The following TJAP1 variants were observed in gnomAD, a reference collection of about 807,000 sequenced individuals.
TJAP1 encodes the protein tight junction associated protein 1.
A neutral mutation model predicts 42.0 loss-of-function variants in TJAP1; 27 were observed. The observed-to-expected ratio is 0.64, with a 90% CI of 0.47 to 0.89. The LOEUF is 0.89. Ranked by LOEUF, TJAP1 falls within the 40% of genes least tolerant of loss-of-function variation. The pLI is 0.00. For synonymous variants in TJAP1, 257 were observed against 288.4 expected (o/e 0.89, Z 1.10); for missense variants, 712 against 726.9 (o/e 0.98, Z 0.24).
Position 43,492,716 on chromosome 6 carries a change from A to G in TJAP1, c.-121-5165A>G, listed in dbSNP as rs1457888058. On this transcript the variant is annotated intron_variant, in intron 2 of 10. Coordinates refer to ENST00000372449, the Ensembl canonical transcript of TJAP1. This position sits in a 1 kb window ranked among gnomAD's most constrained non-coding sequence, Gnocchi z 4.2. ...CAAGGAGTGGGGATCTTCATGAGCA[A>G]TCCCCAGGACCAAGGCCAGGTCACC... Among the ~76,000 whole-genome samples the G allele has an allele frequency of 6.6e-6, 1 of 152,124 alleles. No homozygotes were observed. Among genetic ancestry groups the G allele is most frequent in the Non-Finnish European group, 1.5e-5 (1 of 68,014 alleles).
At chr6:43,503,346 G>A (rs908644667) in intron 8 of TJAP1, 55 bp from the exon 9 acceptor site, 3 of 1,400,514 alleles carry the variant, frequency 2.1e-6, no homozygotes, top group Non-Finnish European at 3.0e-6. Context: ...GAGGTGGAGG[G>A]AGAGGAAGGG....
rs1789570626 is a variant in TJAP1 at position 43,497,864 on chromosome 6, C to G, written c.-121-17C>G. 1 of 152,372 alleles carries G rather than the reference C, an allele frequency of 6.6e-6. No individual in the cohort carries two copies. The highest frequency in any genetic ancestry group is 2.1e-4 in the South Asian group (1 of 4,828). The allele number at this position is 152,372 out of a possible 1,614,324, so 9.4% of individuals were successfully genotyped here. A position where few individuals can be genotyped will look rare whatever the true frequency, so the allele number is the denominator to read the frequency against. On this transcript the variant is annotated splice_polypyrimidine_tract_variant and intron_variant, in intron 2 of 10. Transcript: ENST00000372449. ...GCTGACACCTGGTTTCCACTTTCTT[C>G]CCTTCTCTGGTTTCAGGAGCTGTGG...
chr6:43,479,963 C>T (rs377029939), intron 2 of TJAP1, among the ~76,000 whole-genome samples: 5 of 151,310 alleles, frequency 3.3e-5, no homozygotes, highest in African/African-American at 1.2e-4. Flanking sequence ...AGCAAGACTC[C>T]ATCCATCTCA....
intron 2 of TJAP1, among the ~76,000 whole-genome samples, chr6:43,487,870 G>GTTTTTTTTTTTTTT (rs549444658): frequency 2.9e-5 from 4 of 138,364 alleles, no homozygotes; most frequent in African/African-American, 5.4e-5. Context: ...CCTTCTAGTA[G>GTTTTTTTTTTTTTT]TTTTTTTTTT....
chr6:43,488,441 G>A (rs985973876), intron 2 of TJAP1, among the ~76,000 whole-genome samples: 3 of 152,190 alleles, frequency 2.0e-5, no homozygotes, highest in Admixed American at 6.5e-5. Flanking sequence ...ATTCTGAGAT[G>A]AAATTGGCAG....
intron 5 of TJAP1, chr6:43,501,224 A>C: frequency 2.5e-6 from 1 of 405,372 alleles, no homozygotes; most frequent in Non-Finnish European, 4.4e-6. Context: ...AACCAGAGAC[A>C]GGCTGGGAGC....
intron 2 of TJAP1, chr6:43,478,640 G>A (rs1164185556): frequency 6.6e-6 from 1 of 152,230 alleles, no homozygotes; most frequent in Non-Finnish European, 1.5e-5. Flanking sequence ...AATTCTGATC[G>A]TGTTCACTGA....
At chr6:43,499,134 G>C in intron 4 of TJAP1, 34 bp downstream of exon 4, 1 of 1,610,778 alleles carries the variant, frequency 6.2e-7, no homozygotes, top group Non-Finnish European at 8.5e-7. Flanking sequence ...CTGACCGGCA[G>C]AGGCAAGGCC....
intron 2 of TJAP1, chr6:43,497,501 C>G (rs1341799324): frequency 6.6e-6 from 1 of 152,194 alleles, no homozygotes; most frequent in Non-Finnish European, 1.5e-5. Context: ...TCCTGGTGTT[C>G]TCATTTGTAA....
intron 3 of TJAP1, 97 bp downstream of exon 3, chr6:43,498,074 T>G (rs1582048353): frequency 6.6e-6 from 1 of 152,046 alleles, no homozygotes; most frequent in Non-Finnish European, 1.5e-5. Flanking sequence ...CGGGGGCTGG[T>G]GAAAAGAGTG....
At chr6:43,498,370 G>A (rs1452641132) in intron 3 of TJAP1, among the ~76,000 whole-genome samples, 1 of 152,112 alleles carries the variant, frequency 6.6e-6, no homozygotes, top group Non-Finnish European at 1.5e-5. Flanking sequence ...GTTTGAGCCT[G>A]GGCAACAAAG....
Position 43,495,752 on chromosome 6 carries a change from C to T in TJAP1, c.-121-2129C>T, listed in dbSNP as rs1282041663. Among the ~76,000 whole-genome samples the T allele has an allele frequency of 6.6e-6, 1 of 152,178 alleles. No individual in the cohort carries two copies. Among genetic ancestry groups the T allele is most frequent in the Admixed American group, 6.5e-5 (1 of 15,284 alleles). ...ATACTCCTTGCCTAGCAAGCCAGAT[C>T]GCCTCTGGCCATGGAAGCCCTGGGG... On this transcript the variant is annotated intron_variant, in intron 2 of 10. Transcript: ENST00000372449. The surrounding 1 kb of genome is among the most constrained non-coding windows in gnomAD (Gnocchi z 4.6).
At chr6:43,486,397 C>T (rs1786530713) in intron 2 of TJAP1, among the ~76,000 whole-genome samples, 2 of 142,378 alleles carry the variant, frequency 1.4e-5, no homozygotes, top group South Asian at 4.6e-4. Context: ...GCTCTGTCGC[C>T]CAGTTGGGAG....
At chr6:43,502,076 A>ACTCTCTCACTCTCT in intron 6 of TJAP1, among the ~76,000 whole-genome samples, 1 of 68,956 alleles carries the variant, frequency 1.5e-5, no homozygotes, top group East Asian at 3.7e-4. Flanking sequence ...ACACACACAC[A>ACTCTCTCACTCTCT]CTCTCTCTCT....
intron 2 of TJAP1, among the ~76,000 whole-genome samples, chr6:43,496,434 C>T (rs927230559): frequency 6.6e-6 from 1 of 152,226 alleles, no homozygotes; most frequent in African/African-American, 2.4e-5. Flanking sequence ...CCCGCCCACC[C>T]GGATTCCTGT....
intron 2 of TJAP1, among the ~76,000 whole-genome samples, chr6:43,481,654 A>G (rs1340108179): frequency 1.3e-5 from 2 of 151,738 alleles, no homozygotes; most frequent in Admixed American, 6.6e-5. Context: ...ATAGAAAACA[A>G]ATGTGCTGCT....
chr6:43,502,225 C>A, intron 6 of TJAP1, 58 bp from the exon 7 acceptor site: 1 of 1,580,346 alleles, frequency 6.3e-7, no homozygotes, highest in Non-Finnish European at 8.7e-7. Flanking sequence ...GGAGGCTGAA[C>A]AGAGCCTGAA....
chr6:43,504,532 C>T (rs978156259), intron 10 of TJAP1: 28 of 593,250 alleles, frequency 4.7e-5, no homozygotes, highest in Middle Eastern at 4.5e-4. Context: ...GCAGCAGATC[C>T]GGGTTTAAAT....
chr6:43,505,704 A>AGGGGCCAGGCACTTCCCACACCGAGGGC lies in TJAP1; in HGVS notation c.1524_1551dup (p.Arg518GlyfsTer263). On this transcript the variant is annotated frameshift_variant, in exon 11 of 11. Coordinates refer to ENST00000372449, the Ensembl canonical transcript of TJAP1. LOFTEE classifies it high-confidence loss of function. The surrounding 1 kb of genome is among the most constrained non-coding windows in gnomAD (Gnocchi z 5.5). ...CTGCCCATTAACAGGGGCACAGAGG[A>AGGGGCCAGGCACTTCCCACACCGAGGGC]GGGGCCAGGCACTTCCCACACCGAG... 1.3e-6 allele frequency: 2 copies of AGGGGCCAGGCACTTCCCACACCGAGGGC among 1,593,822 alleles called. No individual in the cohort carries two copies.
Sources: allele counts gnomAD v4.1 joint callset (sites outside exome capture counted in the v4.1 genomes callset), GRCh38; gene constraint gnomAD v4.1.1; non-coding constraint Gnocchi (gnomAD v3.1); transcripts MANE v1.5; gene names NCBI Gene and HGNC (gene_info 2026-07-23, HGNC 2026-07-21).